The following ADGRA3 variants were observed in gnomAD, a reference collection of about 807,000 sequenced individuals.
The protein encoded by ADGRA3 is adhesion G protein-coupled receptor A3.
A neutral mutation model predicts 119.8 loss-of-function variants in ADGRA3; 56 were observed. The observed-to-expected ratio is 0.47, with a 90% CI of 0.38 to 0.58. ADGRA3 has a LOEUF of 0.58. Among genes scored for constraint, ADGRA3 ranks in the 20% least tolerant of loss-of-function variants. The probability of loss-of-function intolerance (pLI) is 0.00; values close to 1 mark genes in which losing one functional copy is unlikely to be tolerated. For missense variants in ADGRA3, 1,516 were observed against 1,649.0 expected, an observed-to-expected ratio of 0.92 and a Z score of 1.40; for synonymous variants, 607 against 623.8, an observed-to-expected ratio of 0.97 and a Z score of 0.40.
chr4:22,415,766 G>A (rs910271236), intron 12 of ADGRA3, among the ~76,000 whole-genome samples: 2 of 151,830 alleles, frequency 1.3e-5, no homozygotes, highest in Non-Finnish European at 2.9e-5. Context: ...AGTTAAAATA[G>A]GGAATAACAT....
Position 22,388,349 on chromosome 4 carries a change from T to G in ADGRA3, c.3322A>C (p.Asn1108His). Reference protein sequence around the residue: ...CTNKSASSFKNSSQGCKLTNL... With the variant: ...CTNKSASSFKHSSQGCKLTNL... ...GTTAATTTGCAGCCCTGGGAGGAAT[T>G]TTTGAAGCTTGAAGCACTTTTGTTT... Residue 1108 changes from asparagine to histidine, a missense_variant, in exon 19 of 19, where the codon AAT becomes CAT. Transcript: ENST00000334304. The G allele has an allele frequency of 1.2e-6, 2 of 1,614,052 alleles. No homozygotes were observed. The highest frequency in any genetic ancestry group is 1.7e-6 in the Non-Finnish European group (2 of 1,180,010).
intron 10 of ADGRA3, among the ~76,000 whole-genome samples, chr4:22,435,021 A>AGAG (rs1716338519): frequency 6.6e-6 from 1 of 152,196 alleles, no homozygotes; most frequent in Non-Finnish European, 1.5e-5. Flanking sequence ...GCTCTGCCTA[A>AGAG]GCCACAACGT....
intron 10 of ADGRA3, among the ~76,000 whole-genome samples, chr4:22,425,638 T>C (rs1392594): frequency 1 from 152,267 of 152,332 alleles, 76,101 homozygotes; most frequent in Non-Finnish European, 1. Context: ...AGGCGTTAAG[T>C]CCCAGTGCAA....
At position 22,387,883 on chromosome 4, in the gene ADGRA3, T is replaced by C. The variant is rs769070654; in HGVS notation, c.3788A>G (p.Lys1263Arg). The change falls in exon 19 of 19, where the codon AAA (lysine) becomes AGA (arginine). Residue 1263 changes from lysine to arginine, a missense_variant. This residue lies in a region of ADGRA3 where 1,088 missense variants were observed against 1,107.1 expected (regional missense o/e 0.98). Coordinates refer to ENST00000334304, the MANE Select transcript of ADGRA3 (RefSeq NM_145290.4). ...FEKPVSTTSKKDALRKPAVVE... is the reference protein window; with the variant it reads ...FEKPVSTTSKRDALRKPAVVE... ...CACAGCTGGCTTCCTTAACGCATCTTTTTTACTAGTGGTTGAAACTGGCTT... is the reference window on the plus strand; with the variant it reads ...CACAGCTGGCTTCCTTAACGCATCTCTTTTACTAGTGGTTGAAACTGGCTT... 1 of 1,614,148 alleles carries C rather than the reference T, an allele frequency of 6.2e-7. No individual in the cohort carries two copies. Among genetic ancestry groups the C allele is most frequent in the Admixed American group, 1.7e-5 (1 of 60,018 alleles).
intron 14 of ADGRA3, among the ~76,000 whole-genome samples, chr4:22,407,283 A>T (rs1034200407): frequency 1.3e-5 from 2 of 152,202 alleles, no homozygotes; most frequent in African/African-American, 4.8e-5. Flanking sequence ...AAAGAAAAAG[A>T]ATATAAAAAT....
At chr4:22,455,039 C>A (rs912813663) in intron 3 of ADGRA3, 102 bp from the exon 4 acceptor site, 1 of 771,880 alleles carries the variant, frequency 1.3e-6, no homozygotes, top group Non-Finnish European at 2.3e-6. Context: ...CGCACAAGAC[C>A]TTTATTCTAG....
intron 1 of ADGRA3, among the ~76,000 whole-genome samples, chr4:22,506,040 G>A (rs1195613357): frequency 6.6e-6 from 1 of 152,124 alleles, no homozygotes; most frequent in East Asian, 1.9e-4. Flanking sequence ...GAAAGTTTCG[G>A]TCTTTGGCCA....
chr4:22,387,661 G>C lies in ADGRA3; in HGVS notation c.*44C>G. 2 of 1,535,856 alleles carry C rather than the reference G, an allele frequency of 1.3e-6. No individual in the cohort carries two copies. The highest frequency in any genetic ancestry group is 1.8e-6 in the Non-Finnish European group (2 of 1,136,382). ...ATGCTCATAGCTTCAAGGAATGTGA[G>C]TATCACAGTTTATATGAATTTCTGC... On this transcript the variant is annotated 3_prime_UTR_variant, in exon 19 of 19. Transcript: ENST00000334304.
intron 14 of ADGRA3, among the ~76,000 whole-genome samples, chr4:22,412,627 T>C (rs1301245585): frequency 6.6e-6 from 1 of 152,134 alleles, no homozygotes; most frequent in African/African-American, 2.4e-5. Context: ...AACCTGTAAT[T>C]AGTGTTAACA....
chr4:22,389,246 AATGTCTCAGTACTTCAAAAGTC>A (rs1205787622), intron 17 of ADGRA3, 63 bp from the exon 18 acceptor site: 57 of 1,049,792 alleles, frequency 5.4e-5, no homozygotes, highest in Non-Finnish European at 7.6e-5. Context: ...TATCTCTCAT[AATGTCTCAGTACTTCAAAAGTC>A]ATTCCCTGAA....
At chr4:22,440,013 TTAA>T (rs1716549079) in intron 7 of ADGRA3, among the ~76,000 whole-genome samples, 1 of 152,220 alleles carries the variant, frequency 6.6e-6, no homozygotes, top group South Asian at 2.1e-4. Flanking sequence ...CAACTACTTC[TTAA>T]TGAGATATGT....
chr4:22,475,583 C>T (rs1718010731), intron 1 of ADGRA3, among the ~76,000 whole-genome samples: 1 of 151,956 alleles, frequency 6.6e-6, no homozygotes, highest in African/African-American at 2.4e-5. Context: ...AAAAATTAGC[C>T]GGGCGTAGTG....
At position 22,387,828 on chromosome 4, in the gene ADGRA3, A is replaced by C. The variant is rs768269484; in HGVS notation, c.3843T>G (p.Tyr1281Ter). The change falls in exon 19 of 19, where the codon TAT (tyrosine) becomes TAG (stop). Residue 1281 changes from tyrosine to a stop codon, truncating the protein, a stop_gained. Coordinates refer to ENST00000334304, the MANE Select transcript of ADGRA3 (RefSeq NM_145290.4). LOFTEE classifies it high-confidence loss of function. ...CATTCTGAATGGCCAAGTTGAGGCC[A>C]TAAGATTTTTGCTGATTTTCAAGTT... ...VVELENQQKS[Y>*]GLNLAIQNGP... 6.2e-7 allele frequency: 1 copy of C among 1,614,160 alleles called. No homozygotes were observed. Among genetic ancestry groups the C allele is most frequent in the Non-Finnish European group, 8.5e-7 (1 of 1,179,998 alleles).
intron 10 of ADGRA3, among the ~76,000 whole-genome samples, chr4:22,429,640 A>G (rs369572568): frequency 5.3e-5 from 8 of 151,422 alleles, no homozygotes; most frequent in African/African-American, 1.7e-4. Flanking sequence ...CAAGAGGTAG[A>G]AGGAGGTTAA....
chr4:22,497,666 C>A (rs971250097), intron 1 of ADGRA3, among the ~76,000 whole-genome samples: 3 of 147,208 alleles, frequency 2.0e-5, no homozygotes, highest in Non-Finnish European at 4.5e-5. Context: ...TACTAAAATC[C>A]AAAAAAATTG....
chr4:22,419,424 C>A (rs1049702525), intron 12 of ADGRA3, among the ~76,000 whole-genome samples: 4 of 152,080 alleles, frequency 2.6e-5, no homozygotes. Flanking sequence ...TCAGTTTAAT[C>A]GTGTCCACCT....
intron 16 of ADGRA3, among the ~76,000 whole-genome samples, chr4:22,396,830 CCT>C (rs1325322910): frequency 2.0e-5 from 3 of 152,278 alleles, no homozygotes; most frequent in Non-Finnish European, 4.4e-5. Context: ...CATTGCAATT[CCT>C]CTCTTTTTCC....
chr4:22,484,120 A>T (rs532792580), intron 1 of ADGRA3, among the ~76,000 whole-genome samples: 2 of 152,348 alleles, frequency 1.3e-5, no homozygotes, highest in Admixed American at 6.5e-5. Context: ...CTGTGCAATT[A>T]CAATGCACGC....
In ADGRA3 at chr4:22,515,569, C is replaced by T. The variant is rs1257930557; in HGVS notation, c.216G>A (p.Gln72=). The part of the protein sequence containing the change: ...KVVCSSLELA[Q]VLPPDTLPNR... ...TGGGCAGAGTATCTGGGGGCAGGAC[C>T]TGCGCGAGTTCCAGGCTGCTGCACA... The change falls in exon 1 of 19, where the codon CAG becomes CAA. Residue 72 remains glutamine (Q), a synonymous_variant. Transcript: ENST00000334304. 1.2e-6 allele frequency: 2 copies of T among 1,603,628 alleles called. No homozygotes were observed. Among genetic ancestry groups the T allele is most frequent in the South Asian group, 1.1e-5 (1 of 90,428 alleles).
Sources: allele counts gnomAD v4.1 joint callset (sites outside exome capture counted in the v4.1 genomes callset), GRCh38; gene constraint gnomAD v4.1.1; regional missense constraint gnomAD v4.1.1; transcripts MANE v1.5; gene names NCBI Gene and HGNC (gene_info 2026-07-23, HGNC 2026-07-21).